CDH8: variants seen among roughly 807,000 people sequenced by gnomAD.
The protein encoded by CDH8 is cadherin 8, also known as cadherin-8.
CDH8 carries 17 observed loss-of-function variants against 68.1 expected under a neutral mutation model. That is an observed-to-expected ratio of 0.25 (90% CI 0.17 to 0.37). CDH8 has a LOEUF of 0.37. CDH8 is among the 10% of genes least tolerant of loss of function. CDH8 has a pLI of 1.00. For missense variants in CDH8, 763 were observed against 999.3 expected, an observed-to-expected ratio of 0.76 and a Z score of 3.19; for synonymous variants, 372 against 365.1, an observed-to-expected ratio of 1.02 and a Z score of -0.21.
chr16:61,802,793 C>A (rs1342140460), intron 7 of CDH8, among the ~76,000 whole-genome samples: 2 of 129,270 alleles, frequency 1.5e-5, no homozygotes, highest in African/African-American at 3.1e-5. Flanking sequence ...ATGAGCAAAG[C>A]CTCCAAGAAA....
At position 61,830,322 on chromosome 16, in the gene CDH8, T is replaced by C. The variant is rs78651367; in HGVS notation, c.668-5143A>G. On this transcript the variant is annotated intron_variant, in intron 4 of 11. Coordinates refer to ENST00000577390, the MANE Select transcript of CDH8 (RefSeq NM_001796.5). ...GTAATTAGGGAAGACTGTTTTCAAA[T>C]TTAAGAAGGATTTAAATTCTCAGAT... Among the ~76,000 whole-genome samples the C allele has an allele frequency of 2.4e-3, 357 of 151,890 alleles. 1 individual carries two copies. The highest frequency in any genetic ancestry group is 0.016 in the East Asian group (84 of 5,120).
At chr16:61,752,748 T>G (rs1960201755) in intron 8 of CDH8, among the ~76,000 whole-genome samples, 2 of 152,226 alleles carry the variant, frequency 1.3e-5, no homozygotes, top group South Asian at 4.1e-4. Context: ...TGCCATTCAT[T>G]TATAAAGTGA....
intron 10 of CDH8, among the ~76,000 whole-genome samples, chr16:61,672,739 G>A (rs1963823082): frequency 6.6e-6 from 1 of 151,824 alleles, no homozygotes; most frequent in African/African-American, 2.4e-5. Context: ...AAAGTAAATT[G>A]TAAAAAACTA....
chr16:61,818,157 G>T, intron 6 of CDH8: 1 of 160,870 alleles, frequency 6.2e-6, no homozygotes, highest in South Asian at 1.7e-4. Flanking sequence ...TATCATTTCT[G>T]CAACAGAGTG....
intron 7 of CDH8, among the ~76,000 whole-genome samples, chr16:61,793,602 C>T (rs1596973084): frequency 6.6e-6 from 1 of 152,178 alleles, no homozygotes; most frequent in East Asian, 1.9e-4. Flanking sequence ...TTTATGGCTG[C>T]ATAGTATTCC....
chr16:61,809,289 C>T (rs1321171921), intron 7 of CDH8, among the ~76,000 whole-genome samples: 1 of 152,110 alleles, frequency 6.6e-6, no homozygotes, highest in Non-Finnish European at 1.5e-5. Context: ...AAAGTATTTA[C>T]TAACGTCATG....
chr16:61,934,652 T>C (rs1011601274), intron 2 of CDH8, among the ~76,000 whole-genome samples: 1 of 152,166 alleles, frequency 6.6e-6, no homozygotes, highest in Non-Finnish European at 1.5e-5. Context: ...TATATCATTA[T>C]GAGTACAATG....
intron 2 of CDH8, among the ~76,000 whole-genome samples, chr16:61,977,603 C>T (rs1473785450): frequency 1.3e-5 from 2 of 151,806 alleles, no homozygotes; most frequent in East Asian, 1.9e-4. Context: ...CAATACACCT[C>T]GGGAGAAAGA....
At position 61,978,763 on chromosome 16, in the gene CDH8, C is replaced by A. The variant is rs577228670; in HGVS notation, c.252+42389G>T. 3.3e-5 allele frequency among the ~76,000 whole-genome samples: 5 copies of A among 152,238 alleles called. No individual in the cohort carries two copies. The East Asian group carries it at 5.8e-4, about 18-fold the overall frequency. On this transcript the variant is annotated intron_variant, in intron 2 of 11. Coordinates refer to ENST00000577390, the MANE Select transcript of CDH8 (RefSeq NM_001796.5). ...AGCCTATGCTTTTTCCACTAGACCA[C>A]CCCTCTTTAGCAGCACCTACAAACG... is the stretch of plus-strand genomic sequence containing the variant.
At chr16:61,654,210 T>C in intron 11 of CDH8, 109 bp from the exon 12 acceptor site, 1 of 861,772 alleles carries the variant, frequency 1.2e-6, no homozygotes, top group Non-Finnish European at 1.8e-6. Context: ...TGTATGAGCA[T>C]ACACCTTTAA....
intron 7 of CDH8, among the ~76,000 whole-genome samples, chr16:61,793,587 T>A (rs113059764): frequency 0.025 from 3,740 of 152,120 alleles, 70 homozygotes; most frequent in Non-Finnish European, 0.039. Context: ...ATGATCTCAT[T>A]CTTTTTTATG....
chr16:61,746,683 T>C (rs977555933), intron 8 of CDH8, among the ~76,000 whole-genome samples: 1 of 151,908 alleles, frequency 6.6e-6, no homozygotes, highest in Non-Finnish European at 1.5e-5. Context: ...AAATTTACTC[T>C]AGAAGGACTC....
chr16:61,963,521 C>T (rs1184097842), intron 2 of CDH8, among the ~76,000 whole-genome samples: 1 of 152,150 alleles, frequency 6.6e-6, no homozygotes, highest in Non-Finnish European at 1.5e-5. Context: ...GATGCTGTTG[C>T]CAGCCAAAGG....
chr16:61,933,041 A>G (rs12444179), intron 2 of CDH8, among the ~76,000 whole-genome samples: 23,166 of 152,102 alleles, frequency 0.15, 2,624 homozygotes, highest in East Asian at 0.29. Context: ...AAAAGGAAGT[A>G]ATATTGATCA....
At chr16:61,928,518 AC>A (rs1964490173) in intron 2 of CDH8, among the ~76,000 whole-genome samples, 1 of 152,050 alleles carries the variant, frequency 6.6e-6, no homozygotes, top group Non-Finnish European at 1.5e-5. Flanking sequence ...TGCCTATCTC[AC>A]CTCCAACTCT....
intron 3 of CDH8, among the ~76,000 whole-genome samples, chr16:61,857,924 T>C (rs1439454534): frequency 1.3e-5 from 2 of 151,860 alleles, no homozygotes; most frequent in Non-Finnish European, 2.9e-5. Flanking sequence ...CTGTAGGAAA[T>C]AGGGAAGAAA....
At chr16:61,865,873 G>T (rs1037060163) in intron 3 of CDH8, among the ~76,000 whole-genome samples, 2 of 152,144 alleles carry the variant, frequency 1.3e-5, no homozygotes, top group Non-Finnish European at 2.9e-5. Flanking sequence ...CTGACTTTGA[G>T]AAATTATGCT....
chr16:61,998,793 C>T (rs1019355333), intron 2 of CDH8, among the ~76,000 whole-genome samples: 7 of 151,976 alleles, frequency 4.6e-5, no homozygotes, highest in East Asian at 1.9e-4. Flanking sequence ...TCTTGATCTT[C>T]GAAATAAAAC....
chr16:61,765,798 G>C lies in CDH8; in HGVS notation c.1414+23548C>G, dbSNP rs1361905007. 2.0e-5 allele frequency among the ~76,000 whole-genome samples: 3 copies of C among 151,868 alleles called. No individual in the cohort carries two copies. In the East Asian group the frequency reaches 5.8e-4, roughly 29 times the overall value. The stretch of plus-strand genomic sequence containing the variant: ...GTGGTAGAAGAGAAAGGATAAGGCA[G>C]ACAGAAATGATGAACAAAATAACAA... On this transcript the variant is annotated intron_variant, in intron 8 of 11. Coordinates refer to ENST00000577390, the MANE Select transcript of CDH8 (RefSeq NM_001796.5).
Sources: gnomAD v4.1 joint callset for allele counts (sites outside exome capture counted in the v4.1 genomes callset) on GRCh38, gnomAD v4.1.1 for gene constraint, MANE v1.5 for transcripts, NCBI Gene and HGNC (gene_info 2026-07-23, HGNC 2026-07-21) for gene names.